The following TNS3 variants were observed in gnomAD, a reference collection of about 807,000 sequenced individuals.
TNS3 encodes the protein tensin-3.
A neutral mutation model predicts 140.9 loss-of-function variants in TNS3; 45 were observed. That is an observed-to-expected ratio of 0.32 (90% CI 0.25 to 0.41). The LOEUF (loss-of-function observed/expected upper bound fraction) is 0.41. Among genes scored for constraint, TNS3 ranks in the 10% least tolerant of loss-of-function variants. The probability of loss-of-function intolerance (pLI) is 1.00; values close to 1 mark genes in which losing one functional copy is unlikely to be tolerated. For missense variants in TNS3, 1,716 were observed against 1,906.7 expected, an observed-to-expected ratio of 0.90 and a Z score of 1.86; for synonymous variants, 815 against 788.4, an observed-to-expected ratio of 1.03 and a Z score of -0.56.
At chr7:47,325,489 G>A (rs922046775) in intron 20 of TNS3, among the ~76,000 whole-genome samples, 3 of 152,140 alleles carry the variant, frequency 2.0e-5, no homozygotes, top group African/African-American at 4.8e-5. Context: ...GTGGTGGAAC[G>A]AGAAGTTGAC....
chr7:47,561,283 A>T (rs1349292456), intron 1 of TNS3, among the ~76,000 whole-genome samples: 1 of 152,072 alleles, frequency 6.6e-6, no homozygotes, highest in East Asian at 1.9e-4. Flanking sequence ...GAATCTTATC[A>T]CACTGCCTTT....
intron 20 of TNS3, among the ~76,000 whole-genome samples, chr7:47,310,289 T>C (rs1210676418): frequency 6.6e-6 from 1 of 152,120 alleles, no homozygotes; most frequent in Non-Finnish European, 1.5e-5. Flanking sequence ...TCAGCAGGGA[T>C]TGTGGCAGTC....
intron 17 of TNS3, among the ~76,000 whole-genome samples, chr7:47,351,272 G>A (rs1789654775): frequency 6.6e-6 from 1 of 152,116 alleles, no homozygotes; most frequent in Non-Finnish European, 1.5e-5. Context: ...AATCTCCCAT[G>A]TCTGATAGCC....
intron 4 of TNS3, among the ~76,000 whole-genome samples, chr7:47,478,848 G>A (rs2941539): frequency 0.56 from 84,286 of 151,792 alleles, 25,380 homozygotes; most frequent in East Asian, 0.67. Flanking sequence ...AAAATTACAT[G>A]CATAACATGC....
At chr7:47,454,379 A>G (rs1796159008) in intron 4 of TNS3, among the ~76,000 whole-genome samples, 1 of 152,184 alleles carries the variant, frequency 6.6e-6, no homozygotes, top group Admixed American at 6.5e-5. Context: ...GGAGACACTA[A>G]ACAGGACTTT....
At chr7:47,573,815 T>C (rs887197953) in intron 1 of TNS3, among the ~76,000 whole-genome samples, 7 of 152,184 alleles carry the variant, frequency 4.6e-5, no homozygotes, top group African/African-American at 4.8e-5. Context: ...AATGCCCACG[T>C]TGGAAAAGAT....
At chr7:47,450,694 C>A (rs1232381333) in intron 4 of TNS3, among the ~76,000 whole-genome samples, 1 of 152,218 alleles carries the variant, frequency 6.6e-6, no homozygotes, top group East Asian at 1.9e-4. Flanking sequence ...ACAGCCCAGG[C>A]TGGCCAAAGA....
chr7:47,449,179 C>T (rs1483309353), intron 4 of TNS3, among the ~76,000 whole-genome samples: 8 of 152,210 alleles, frequency 5.3e-5, no homozygotes, highest in African/African-American at 1.7e-4. Flanking sequence ...GGCACGGGTG[C>T]GTATCCTGCA....
Position 47,368,530 on chromosome 7 carries a change from T to G in TNS3, c.2116A>C (p.Ile706Leu). Residue 706 changes from isoleucine (I) to leucine (L), a missense_variant, in exon 17 of 31, where the codon ATC becomes CTC. By Grantham distance (5) the Ile-to-Leu change is conservative. This residue lies in a region of TNS3 where 1,163 missense variants were observed against 1,182.1 expected (regional missense o/e 0.98). Coordinates refer to ENST00000311160, the MANE Select transcript of TNS3 (RefSeq NM_022748.12). ...TCGAAGGTGGGATCCAGCTCCAGGA[T>G]CAGCCTGTTGAGCTGCTCGATGGAC... ...DQSIEQLNRL[I>L]LELDPTFEPI... 2.5e-6 allele frequency: 4 copies of G among 1,587,644 alleles called. No homozygotes were observed. Among genetic ancestry groups the G allele is most frequent in the Non-Finnish European group, 3.4e-6 (4 of 1,162,154 alleles).
chr7:47,380,766 GCGCGCACA>G (rs1791707462), intron 16 of TNS3, among the ~76,000 whole-genome samples: 1 of 141,008 alleles, frequency 7.1e-6, no homozygotes, highest in African/African-American at 2.6e-5. Context: ...ATATGCACGC[GCGCGCACA>G]CACACACACA....
rs752981720 is a variant in TNS3, at chr7:47,293,750, G to A, written c.3755C>T (p.Ser1252Leu). ...TPKGVRLKGC[S>L]NEPYFGSLTA... Reference sequence around the variant, plus strand: ...CAACTCACCGAAATATGGTTCATTCGAGCACCCTTTCAACCGCACTCCCTT... The same window carrying A: ...CAACTCACCGAAATATGGTTCATTCAAGCACCCTTTCAACCGCACTCCCTT... Residue 1252 changes from serine (S) to leucine (L), a missense_variant, in exon 25 of 31, where the codon TCG becomes TTG. Ser to Leu is a moderately radical substitution (Grantham distance 145). This residue lies in a region of TNS3 where 216 missense variants were observed against 295.7 expected (regional missense o/e 0.73). Transcript: ENST00000311160. The A allele has an allele frequency of 1.4e-5, 22 of 1,613,956 alleles. No individual in the cohort carries two copies. Among genetic ancestry groups the A allele is most frequent in the African/African-American group, 1.3e-4 (10 of 74,888 alleles).
intron 2 of TNS3, 27 bp downstream of exon 2, chr7:47,529,009 G>A (rs1799299272): frequency 8.2e-7 from 1 of 1,220,372 alleles, no homozygotes; most frequent in Non-Finnish European, 1.1e-6. Context: ...GGATTAATCA[G>A]TGAGAGAATC....
intron 3 of TNS3, among the ~76,000 whole-genome samples, chr7:47,492,160 G>A (rs546811876): frequency 3.3e-5 from 5 of 152,260 alleles, no homozygotes; most frequent in South Asian, 2.1e-4. Context: ...TCCCACTCAC[G>A]AATGACAGGG....
intron 20 of TNS3, among the ~76,000 whole-genome samples, chr7:47,331,910 G>C (rs181092660): frequency 8.5e-4 from 129 of 152,382 alleles, no homozygotes; most frequent in Middle Eastern, 6.8e-3. Context: ...ATGCCTATCT[G>C]TTGAGGAGGT....
At chr7:47,341,998 T>C (rs1337794736) in intron 20 of TNS3, among the ~76,000 whole-genome samples, 2 of 152,164 alleles carry the variant, frequency 1.3e-5, no homozygotes, top group East Asian at 3.9e-4. Context: ...TGCTGTTCAG[T>C]TTCCAAGTGT....
At chr7:47,547,080 A>G (rs1293382220) in intron 1 of TNS3, among the ~76,000 whole-genome samples, 2 of 152,168 alleles carry the variant, frequency 1.3e-5, no homozygotes, top group Admixed American at 1.3e-4. Context: ...CTGTCCATTC[A>G]TTCATTCCCG....
chr7:47,322,439 T>G (rs557784674), intron 20 of TNS3, among the ~76,000 whole-genome samples: 4 of 151,942 alleles, frequency 2.6e-5, no homozygotes, highest in Non-Finnish European at 5.9e-5. Context: ...GGAGAATCGC[T>G]TGAACCCGGG....
At position 47,400,435 on chromosome 7, in the gene TNS3, T is replaced by C; in HGVS notation, c.877A>G (p.Lys293Glu). 6.2e-7 allele frequency: 1 copy of C among 1,614,088 alleles called. No individual in the cohort carries two copies. The highest frequency in any genetic ancestry group is 1.1e-5 in the South Asian group (1 of 91,070). ...GTGGCAGAGAAGACTAATTCAACCT[T>C]CCCATAGTCAGGAAAACGGTCATCT... ...SKDDRFPDYG[K>E]VELVFSATPE... Residue 293 changes from lysine to glutamate, a missense_variant, in exon 15 of 31, where the codon AAG becomes GAG. Transcript: ENST00000311160.
chr7:47,526,954 C>T (rs925144841), intron 2 of TNS3, among the ~76,000 whole-genome samples: 4 of 152,132 alleles, frequency 2.6e-5, no homozygotes, highest in Non-Finnish European at 1.5e-5. Flanking sequence ...CATTTCTGGC[C>T]GGGCGTGGTG....
Sources: allele counts gnomAD v4.1 joint callset (sites outside exome capture counted in the v4.1 genomes callset), GRCh38; gene constraint gnomAD v4.1.1; regional missense constraint gnomAD v4.1.1; transcripts MANE v1.5; gene names NCBI Gene and HGNC (gene_info 2026-07-23, HGNC 2026-07-21).